Variants in FMNL2 observed in about 807,000 individuals in gnomAD.
FMNL2 encodes the protein formin-like protein 2.
FMNL2 carries 51 observed loss-of-function variants against 130.2 expected under a neutral mutation model. The observed-to-expected ratio is 0.39, with a 90% CI of 0.31 to 0.49. The LOEUF is 0.49. Ranked by LOEUF, FMNL2 falls within the 20% of genes least tolerant of loss-of-function variation. The probability of loss-of-function intolerance (pLI) is 0.85; values close to 1 mark genes in which losing one functional copy is unlikely to be tolerated. For missense variants in FMNL2, 977 were observed against 1,316.2 expected (o/e 0.74, Z 3.99); for synonymous variants, 465 against 467.1 (o/e 1.00, Z 0.06).
intron 1 of FMNL2, among the ~76,000 whole-genome samples, chr2:152,483,913 C>T (rs1024261814): frequency 4.6e-5 from 7 of 152,186 alleles, no homozygotes; most frequent in African/African-American, 1.7e-4. Context: ...GATCCAGGAT[C>T]CTGTTTTTGT....
At chr2:152,443,714 G>A (rs920420130) in intron 1 of FMNL2, among the ~76,000 whole-genome samples, 4 of 152,114 alleles carry the variant, frequency 2.6e-5, no homozygotes, top group Admixed American at 1.3e-4. Flanking sequence ...GTGGTGGCCG[G>A]CATCTGTAAT....
At chr2:152,421,113 G>A (rs191095278) in intron 1 of FMNL2, among the ~76,000 whole-genome samples, 4 of 152,192 alleles carry the variant, frequency 2.6e-5, no homozygotes, top group East Asian at 1.9e-4. Flanking sequence ...GCCCAGCCCC[G>A]CCACCCTAAC....
At chr2:152,512,439 A>C (rs1692539451) in intron 1 of FMNL2, among the ~76,000 whole-genome samples, 1 of 152,156 alleles carries the variant, frequency 6.6e-6, no homozygotes, top group Admixed American at 6.5e-5. Context: ...AGTAGTAGGA[A>C]GATGGGCTGC....
At chr2:152,569,053 A>G (rs1221705146) in intron 6 of FMNL2, among the ~76,000 whole-genome samples, 1 of 150,964 alleles carries the variant, frequency 6.6e-6, no homozygotes, top group African/African-American at 2.4e-5. Flanking sequence ...GTACTACTTT[A>G]TATTTTTAAA....
intron 2 of FMNL2, among the ~76,000 whole-genome samples, chr2:152,533,651 C>A (rs1193425266): frequency 6.8e-6 from 1 of 146,284 alleles, no homozygotes; most frequent in Non-Finnish European, 1.5e-5. Flanking sequence ...GAAAAAAAAA[C>A]CTTCCAGGAG....
At chr2:152,452,159 T>C (rs958046742) in intron 1 of FMNL2, among the ~76,000 whole-genome samples, 1 of 152,240 alleles carries the variant, frequency 6.6e-6, no homozygotes, top group Non-Finnish European at 1.5e-5. Context: ...ATCTTTTTTC[T>C]TTCCCCATCC....
At chr2:152,624,513 G>A (rs188195405) in intron 15 of FMNL2, among the ~76,000 whole-genome samples, 1 of 151,776 alleles carries the variant, frequency 6.6e-6, no homozygotes, top group African/African-American at 2.4e-5. Flanking sequence ...GTCTTGGTCT[G>A]TATGTACCCC....
chr2:152,625,675 T>C, intron 16 of FMNL2, 113 bp downstream of exon 16: 1 of 1,249,164 alleles, frequency 8.0e-7, no homozygotes, highest in Non-Finnish European at 1.1e-6. Context: ...TTAAGTCCCC[T>C]GATGTAAAGA....
chr2:152,546,180 G>A (rs1361619209), intron 3 of FMNL2, among the ~76,000 whole-genome samples: 2 of 152,168 alleles, frequency 1.3e-5, no homozygotes, highest in Non-Finnish European at 2.9e-5. Flanking sequence ...CGGCATTAGG[G>A]GCTGGGTGTT....
At chr2:152,453,880 A>G (rs1688798826) in intron 1 of FMNL2, among the ~76,000 whole-genome samples, 1 of 152,236 alleles carries the variant, frequency 6.6e-6, no homozygotes, top group South Asian at 2.1e-4. Flanking sequence ...TGGTTTCAAA[A>G]ACATGAGAAA....
chr2:152,371,480 C>T (rs990755421), intron 1 of FMNL2, among the ~76,000 whole-genome samples: 1 of 151,780 alleles, frequency 6.6e-6, no homozygotes, highest in East Asian at 1.9e-4. Context: ...ACCATCCTGG[C>T]CAACATGGTG....
intron 1 of FMNL2, among the ~76,000 whole-genome samples, chr2:152,377,447 T>G (rs1684235547): frequency 6.6e-6 from 1 of 152,254 alleles, no homozygotes; most frequent in Non-Finnish European, 1.5e-5. Flanking sequence ...ATTTTTTATC[T>G]TCTATAGTTT....
intron 1 of FMNL2, among the ~76,000 whole-genome samples, chr2:152,408,685 C>T (rs141692097): frequency 2.3e-3 from 351 of 152,216 alleles, no homozygotes; most frequent in African/African-American, 8.2e-3. Flanking sequence ...CTAGCCTAGA[C>T]TACCTTAAAC....
chr2:152,419,150 AC>A (rs34947896), intron 1 of FMNL2, among the ~76,000 whole-genome samples: 28,425 of 151,888 alleles, frequency 0.19, 2,840 homozygotes, highest in Middle Eastern at 0.38. Flanking sequence ...CTTTCAAAGG[AC>A]TTTTTTTGTT....
intron 1 of FMNL2, among the ~76,000 whole-genome samples, chr2:152,453,176 A>C (rs1166078041): frequency 8.0e-6 from 1 of 125,332 alleles, no homozygotes; most frequent in Non-Finnish European, 1.6e-5. Flanking sequence ...CACTCCAGCC[A>C]GGGTGACAGA....
intron 4 of FMNL2, among the ~76,000 whole-genome samples, chr2:152,554,582 G>A (rs1695107590): frequency 1.3e-5 from 2 of 152,168 alleles, no homozygotes; most frequent in South Asian, 4.1e-4. Flanking sequence ...AATCACATTT[G>A]TTAATAACCA....
At chr2:152,527,352 T>G (rs1395843836) in intron 2 of FMNL2, among the ~76,000 whole-genome samples, 2 of 152,198 alleles carry the variant, frequency 1.3e-5, no homozygotes, top group African/African-American at 2.4e-5. Context: ...TTGGTGTCAC[T>G]TTGTCACCAT....
chr2:152,419,996 T>C (rs566272448), intron 1 of FMNL2, among the ~76,000 whole-genome samples: 114 of 152,294 alleles, frequency 7.5e-4, no homozygotes, highest in Non-Finnish European at 1.4e-3. Flanking sequence ...TTAAGTAGTT[T>C]GGAAAAACTT....
rs181544630 is a variant in FMNL2 at position 152,464,655 on chromosome 2, T to C, written c.118-57288T>C. Among the ~76,000 whole-genome samples, 6 of 152,276 alleles carry C rather than the reference T, an allele frequency of 3.9e-5. No individual in the cohort carries two copies. In the East Asian group the frequency reaches 7.7e-4, roughly 20 times the overall value. On this transcript the variant is annotated intron_variant, in intron 1 of 25. Transcript: ENST00000288670. ...AGTGTAGACTAGATTGAGTGTAAAA[T>C]GAGTTAGCACAAATGAAGTGGAAAC...
Sources: gnomAD v4.1 joint callset for allele counts (sites outside exome capture counted in the v4.1 genomes callset) on GRCh38, gnomAD v4.1.1 for gene constraint, MANE v1.5 for transcripts, NCBI Gene and HGNC (gene_info 2026-07-23, HGNC 2026-07-21) for gene names.